The following WDR49 variants were observed in gnomAD, a reference collection of about 807,000 sequenced individuals.
WDR49 encodes the protein WD repeat domain 49, also known as cilia- and flagella-associated protein 337.
WDR49 carries 107 observed loss-of-function variants against 119.5 expected under a neutral mutation model. The ratio of observed to expected loss-of-function variants is 0.90; its 90% CI spans 0.77 to 1.05. WDR49 has a LOEUF of 1.05. Ranked by LOEUF, WDR49 falls within the 50% of genes least tolerant of loss-of-function variation. WDR49 has a pLI of 0.00. For synonymous variants in WDR49, 425 were observed against 418.8 expected, an observed-to-expected ratio of 1.01 and a Z score of -0.18; for missense variants, 1,240 against 1,220.5, an observed-to-expected ratio of 1.02 and a Z score of -0.24.
chr3:167,642,917 C>T (rs1048192385), intron 2 of WDR49, among the ~76,000 whole-genome samples: 33 of 151,836 alleles, frequency 2.2e-4, no homozygotes, highest in Non-Finnish European at 2.4e-4. Flanking sequence ...ATAGAATAAA[C>T]GAAGCCATAA....
At chr3:167,512,393 A>G (rs1048318660) in intron 16 of WDR49, among the ~76,000 whole-genome samples, 3 of 152,192 alleles carry the variant, frequency 2.0e-5, no homozygotes, top group Non-Finnish European at 4.4e-5. Flanking sequence ...CTTACTGTTA[A>G]AAGAAAAACA....
intron 18 of WDR49, among the ~76,000 whole-genome samples, chr3:167,489,996 T>C (rs1197229178): frequency 6.6e-6 from 1 of 152,104 alleles, no homozygotes; most frequent in African/African-American, 2.4e-5. Context: ...ATGCTGCATT[T>C]CTAAGGAGCT....
intron 15 of WDR49, among the ~76,000 whole-genome samples, chr3:167,523,783 T>C (rs1354738549): frequency 6.6e-6 from 1 of 152,218 alleles, no homozygotes; most frequent in Non-Finnish European, 1.5e-5. Context: ...ATTTTCTTTT[T>C]CTGGTCTATC....
intron 8 of WDR49, chr3:167,575,074 G>A (rs1486936620): frequency 2.0e-6 from 2 of 985,318 alleles, no homozygotes; most frequent in Admixed American, 6.1e-5. Context: ...TCTGCAGAAG[G>A]GAAAAGAAAG....
chr3:167,567,504 T>C lies in WDR49; in HGVS notation c.1510-7276A>G, dbSNP rs184518110. 2.0e-5 allele frequency among the ~76,000 whole-genome samples: 3 copies of C among 152,372 alleles called. No individual in the cohort carries two copies. The East Asian group carries it at 5.8e-4, about 29-fold the overall frequency. On this transcript the variant is annotated intron_variant, in intron 8 of 18. Transcript: ENST00000682715. ...GACACAGTTTTCTTCAGCAGGAATT[T>C]ATTGTTTCAGGTTTGAGGGCTCTCA...
At chr3:167,609,679 A>G (rs1716248960) in intron 5 of WDR49, among the ~76,000 whole-genome samples, 2 of 152,242 alleles carry the variant, frequency 1.3e-5, no homozygotes, top group South Asian at 4.1e-4. Context: ...CAATGGACTG[A>G]GGGGGCACAC....
chr3:167,644,428 T>C (rs1005107991), intron 2 of WDR49, among the ~76,000 whole-genome samples: 20 of 152,118 alleles, frequency 1.3e-4, no homozygotes, highest in Non-Finnish European at 2.8e-4. Flanking sequence ...AATATGTACA[T>C]TTTTTATTTT....
chr3:167,546,307 G>A (rs1712196507), intron 10 of WDR49, among the ~76,000 whole-genome samples: 1 of 151,864 alleles, frequency 6.6e-6, no homozygotes, highest in Non-Finnish European at 1.5e-5. Flanking sequence ...AAACTAGTTA[G>A]CTACCACTTT....
intron 2 of WDR49, among the ~76,000 whole-genome samples, chr3:167,651,605 T>C (rs1371025115): frequency 2.0e-5 from 3 of 152,152 alleles, no homozygotes; most frequent in Non-Finnish European, 4.4e-5. Context: ...TTTTTTTTTT[T>C]TGAAGGTACA....
At chr3:167,634,595 A>G (rs1717530958) in intron 2 of WDR49, among the ~76,000 whole-genome samples, 1 of 151,830 alleles carries the variant, frequency 6.6e-6, no homozygotes, top group Admixed American at 6.6e-5. Context: ...TAAACTCTAA[A>G]ATTTCCTTTA....
intron 5 of WDR49, among the ~76,000 whole-genome samples, chr3:167,619,787 T>C (rs765368160): frequency 1.3e-5 from 2 of 152,168 alleles, no homozygotes; most frequent in Non-Finnish European, 2.9e-5. Context: ...TTAGTGCAGA[T>C]ATTGCACATC....
rs1752494156 is a variant in WDR49 at position 167,522,570 on chromosome 3, T to C, written c.2605-86A>G. 5 of 1,381,918 alleles carry C rather than the reference T, an allele frequency of 3.6e-6. No homozygotes were observed. The African/African-American group carries it at 5.9e-5, about 16-fold the overall frequency. 85.6% of individuals were successfully genotyped at this position (1,381,918 alleles called of 1,614,324 possible). On this transcript the variant is annotated intron_variant, in intron 15 of 18. Transcript: ENST00000682715. Reference sequence around the variant, plus strand: ...GTGTGTTTACCATGTGCTGGATTACTAATTAAAGTCCTGGGGTGGGACACA... The same window carrying C: ...GTGTGTTTACCATGTGCTGGATTACCAATTAAAGTCCTGGGGTGGGACACA...
chr3:167,505,280 A>G (rs755407274), intron 17 of WDR49, 27 bp downstream of exon 17: 1 of 1,447,440 alleles, frequency 6.9e-7, no homozygotes, highest in Non-Finnish European at 9.1e-7. Context: ...ATATTATAAA[A>G]ATACATTAAC....
chr3:167,582,030 CCGTGTGTGTGTGTG>C (rs1282065064), intron 7 of WDR49, among the ~76,000 whole-genome samples: 1 of 125,398 alleles, frequency 8.0e-6, no homozygotes, highest in Non-Finnish European at 1.6e-5. Context: ...GGGCATGCTT[CCGTGTGTGTGTGTG>C]TGTGTGTGTG....
chr3:167,623,619 C>T (rs1166105784), intron 3 of WDR49, among the ~76,000 whole-genome samples: 3 of 37,554 alleles, frequency 8.0e-5, no homozygotes, highest in Non-Finnish European at 1.5e-4. Context: ...AAAATAAATA[C>T]ATTCCCCATA....
chr3:167,578,603 AAT>A (rs1418077578), intron 7 of WDR49, among the ~76,000 whole-genome samples: 2 of 152,084 alleles, frequency 1.3e-5, no homozygotes, highest in Admixed American at 1.3e-4. Flanking sequence ...TATTATTTTA[AAT>A]ATGTTTATAC....
At chr3:167,607,979 G>C (rs1301221308) in intron 5 of WDR49, among the ~76,000 whole-genome samples, 1 of 152,198 alleles carries the variant, frequency 6.6e-6, no homozygotes, top group Non-Finnish European at 1.5e-5. Flanking sequence ...ACGGGAGGAA[G>C]TGAAAGAAAG....
chr3:167,635,748 A>G (rs1280917946), intron 2 of WDR49, among the ~76,000 whole-genome samples: 1 of 151,568 alleles, frequency 6.6e-6, no homozygotes, highest in East Asian at 1.9e-4. Context: ...CCAGATCCTG[A>G]AAATAAATGT....
chr3:167,640,024 T>C (rs1559928788), intron 2 of WDR49, among the ~76,000 whole-genome samples: 1 of 151,882 alleles, frequency 6.6e-6, no homozygotes, highest in South Asian at 2.1e-4. Context: ...TTCAAACTCC[T>C]ACTTTATTAT....
Sources: gnomAD v4.1 joint callset for allele counts (sites outside exome capture counted in the v4.1 genomes callset) on GRCh38, gnomAD v4.1.1 for gene constraint, MANE v1.5 for transcripts, NCBI Gene and HGNC (gene_info 2026-07-23, HGNC 2026-07-21) for gene names.